PPP1R37: variants seen among roughly 807,000 people sequenced by gnomAD.
PPP1R37 encodes protein phosphatase 1 regulatory subunit 37.
Under a neutral mutation model 61.0 loss-of-function variants are expected in PPP1R37, and 21 were observed. The observed-to-expected ratio is 0.34, with a 90% confidence interval of 0.24 to 0.50. PPP1R37 has a LOEUF of 0.50. Ranked by LOEUF, PPP1R37 falls within the 20% of genes least tolerant of loss-of-function variation. The pLI, the probability that PPP1R37 is intolerant of heterozygous loss-of-function variation, is 0.98. For missense variants in PPP1R37, 910 were observed against 952.7 expected, an observed-to-expected ratio of 0.96 and a Z score of 0.59; for synonymous variants, 443 against 433.5, an observed-to-expected ratio of 1.02 and a Z score of -0.27.
intron 1 of PPP1R37, among the ~76,000 whole-genome samples, chr19:45,125,908 G>A (rs56089021): frequency 0.13 from 20,461 of 152,258 alleles, 1,978 homozygotes; most frequent in African/African-American, 0.28. Context: ...CTCCCTGTGG[G>A]ATGAGTTTCT....
chr19:45,120,957 G>C (rs1968335227), intron 1 of PPP1R37, among the ~76,000 whole-genome samples: 1 of 152,190 alleles, frequency 6.6e-6, no homozygotes, highest in Admixed American at 6.6e-5. Context: ...AATTGCCTTT[G>C]AGACGGAACC....
intron 1 of PPP1R37, among the ~76,000 whole-genome samples, chr19:45,096,051 T>G (rs542484869): frequency 3.9e-5 from 6 of 151,958 alleles, no homozygotes; most frequent in Non-Finnish European, 8.8e-5. Flanking sequence ...GCCACGGAAT[T>G]TAGGAGAGGA....
chr19:45,145,382 G>C lies in PPP1R37; in HGVS notation c.1326G>C (p.Ala442=). Residue 442 remains alanine (A), a synonymous_variant, in exon 11 of 13, where the codon GCG becomes GCC. Transcript: ENST00000221462. ...AVKSFIETQK[A]LLAEIQNGCK... is the part of the protein sequence containing the mutation. ...AGAGCTTCATCGAGACGCAGAAGGC[G>C]CTGCTGGCCGAGATCCAGAACGGCT... is the stretch of plus-strand genomic sequence containing the variant. 3 of 1,535,316 alleles carry C rather than the reference G, an allele frequency of 2.0e-6. No individual in the cohort carries two copies. Among genetic ancestry groups the C allele is most frequent in the Non-Finnish European group, 2.6e-6 (3 of 1,146,568 alleles).
In PPP1R37 at chr19:45,093,341, C is replaced by G; in HGVS notation, c.16C>G (p.Gln6Glu). The change falls in exon 1 of 13, where the codon CAG (glutamine) becomes GAG (glutamate). Residue 6 changes from glutamine (Q) to glutamate (E), a missense_variant. By Grantham distance (29) the Gln-to-Glu change is conservative (BLOSUM62 2). Transcript: ENST00000221462. MEIAP[Q>E]EAPPVPGADG... ...GGCGGCGGCTATGGAGATCGCGCCG[C>G]AGGAGGCGCCGCCCGTGCCGGGCGC... 1 of 1,487,606 alleles carries G rather than the reference C, an allele frequency of 6.7e-7. No homozygotes were observed. Among genetic ancestry groups the G allele is most frequent in the Non-Finnish European group, 8.9e-7 (1 of 1,123,346 alleles). The allele number at this position is 1,487,606 out of a possible 1,614,324, so 92.2% of individuals were successfully genotyped here.
intron 1 of PPP1R37, among the ~76,000 whole-genome samples, chr19:45,116,848 GGGGGAT>G (rs1204641793): frequency 1.3e-5 from 2 of 152,192 alleles, no homozygotes; most frequent in South Asian, 2.1e-4. Flanking sequence ...GGTGTGGTGT[GGGGGAT>G]GGGGATGGGG....
intron 1 of PPP1R37, among the ~76,000 whole-genome samples, chr19:45,118,610 A>G (rs575332970): frequency 7.9e-5 from 12 of 151,868 alleles, no homozygotes; most frequent in Non-Finnish European, 1.2e-4. Context: ...CTGTCAGTGG[A>G]CTCCCTGCCG....
intron 9 of PPP1R37, 41 bp downstream of exon 9, chr19:45,145,036 C>T (rs1420111098): frequency 8.5e-6 from 13 of 1,521,794 alleles, no homozygotes; most frequent in Non-Finnish European, 1.1e-5. Context: ...CTGGTGGGCT[C>T]AGCCGGGCGG....
rs958784801 is a variant in PPP1R37, at chr19:45,141,317, C to T, written c.448-5C>T. ...GAGGCTGAGCCCCCGAATCTCTATG[C>T]GCAGGGTGCCTCGGCCCTCTTCGAC... is the stretch of plus-strand genomic sequence containing the variant. On this transcript the variant is annotated splice_region_variant and splice_polypyrimidine_tract_variant and intron_variant, in intron 4 of 12. Transcript: ENST00000221462. 31 of 1,534,156 alleles carry T rather than the reference C, an allele frequency of 2.0e-5. No homozygotes were observed. The East Asian group carries it at 5.4e-4, about 27-fold the overall frequency.
chr19:45,144,776 GCTT>G, intron 8 of PPP1R37, 75 bp from the exon 9 acceptor site: 3 of 1,288,464 alleles, frequency 2.3e-6, no homozygotes, highest in Non-Finnish European at 3.1e-6. Flanking sequence ...TCTCTTCCCG[GCTT>G]CTTTCCTGAC....
rs369173831 is a variant in PPP1R37, at chr19:45,140,417, G to A, written c.347-89G>A. 64 of 1,265,674 alleles carry A rather than the reference G, an allele frequency of 5.1e-5. No homozygotes were observed. In the African/African-American group the frequency reaches 8.1e-4, roughly 16 times the overall value. The allele number at this position is 1,265,674 out of a possible 1,614,324, so 78.4% of individuals were successfully genotyped here. On this transcript the variant is annotated intron_variant, in intron 3 of 12. Transcript: ENST00000221462. ...AGCCAGGGCAGGGGCTGGGCCTGGT[G>A]GGGGGTGGGAGGTTGGGGGCAGAGG... is the stretch of plus-strand genomic sequence containing the variant.
intron 1 of PPP1R37, among the ~76,000 whole-genome samples, chr19:45,106,734 G>C (rs954642755): frequency 1.3e-5 from 2 of 150,374 alleles, no homozygotes; most frequent in African/African-American, 4.9e-5. Flanking sequence ...TGTAGAGATG[G>C]ATTTGCACCG....
At chr19:45,144,043 A>C (rs1388040824) in intron 8 of PPP1R37, 3 of 153,204 alleles carry the variant, frequency 2.0e-5, no homozygotes, top group Non-Finnish European at 4.3e-5. Flanking sequence ...TTTGAGACGG[A>C]GCCTCAATCG....
chr19:45,118,913 GCCGCCTCTGGGTTCCTTGTGGGCCA>G (rs1232043097), intron 1 of PPP1R37, among the ~76,000 whole-genome samples: 2 of 151,830 alleles, frequency 1.3e-5, no homozygotes, highest in Non-Finnish European at 1.5e-5. Context: ...CGGCCCACCT[GCCGCCTCTGGGTTCCTTGTGGGCCA>G]CCGCCTCTGA....
At chr19:45,110,898 C>T (rs543077772) in intron 1 of PPP1R37, among the ~76,000 whole-genome samples, 59 of 152,182 alleles carry the variant, frequency 3.9e-4, no homozygotes, top group Non-Finnish European at 7.2e-4. Flanking sequence ...TGACCAGAAG[C>T]CTGAGGCAGG....
At chr19:45,131,313 C>G (rs1295105750) in intron 1 of PPP1R37, among the ~76,000 whole-genome samples, 1 of 152,204 alleles carries the variant, frequency 6.6e-6, no homozygotes, top group Non-Finnish European at 1.5e-5. Flanking sequence ...CAGCATCTCT[C>G]CCTGGAGCTC....
chr19:45,138,387 G>T (rs895559075), intron 1 of PPP1R37, 127 bp from the exon 2 acceptor site: 20 of 667,746 alleles, frequency 3.0e-5, no homozygotes, highest in Non-Finnish European at 4.9e-5. Context: ...CAGAGCTCAG[G>T]CAGCCTGTTG....
intron 2 of PPP1R37, among the ~76,000 whole-genome samples, chr19:45,139,715 C>T (rs1051956729): frequency 1.4e-4 from 21 of 152,206 alleles, no homozygotes; most frequent in African/African-American, 4.8e-4. Flanking sequence ...TCCTTGGACC[C>T]CATCGGCCTG....
At chr19:45,146,159 C>G in intron 11 of PPP1R37, 110 bp downstream of exon 11, 1 of 1,251,902 alleles carries the variant, frequency 8.0e-7, no homozygotes, top group South Asian at 1.6e-5. Context: ...AAATGGTTCT[C>G]GCAGGGGCCA....
intron 1 of PPP1R37, among the ~76,000 whole-genome samples, chr19:45,135,087 A>G (rs1400867091): frequency 6.6e-6 from 1 of 152,146 alleles, no homozygotes; most frequent in Non-Finnish European, 1.5e-5. Flanking sequence ...ATCTCTACTA[A>G]AAATGCAAAA....
Sources: allele counts gnomAD v4.1 joint callset (sites outside exome capture counted in the v4.1 genomes callset), GRCh38; gene constraint gnomAD v4.1.1; transcripts MANE v1.5; gene names NCBI Gene and HGNC (gene_info 2026-07-23, HGNC 2026-07-21).